CNOT3: variants seen among roughly 807,000 people sequenced by gnomAD.
The protein encoded by CNOT3 is CCR4-NOT transcription complex subunit 3.
In CNOT3, 2 loss-of-function variants were observed where a neutral mutation model predicts 89.4. The ratio of observed to expected loss-of-function variants is 0.02; its 90% confidence interval spans 0.01 to 0.07. The LOEUF is 0.07. Ranked by LOEUF, CNOT3 falls within the 10% of genes least tolerant of loss-of-function variation. CNOT3 has a pLI of 1.00. For missense variants in CNOT3, 664 were observed against 1,010.2 expected (o/e 0.66, Z 4.65); for synonymous variants, 486 against 402.0 (o/e 1.21, Z -2.50).
chr19:54,155,156 T>C (rs915518148), intron 17 of CNOT3, 153 bp from the exon 18 acceptor site: 8 of 771,026 alleles, frequency 1.0e-5, no homozygotes, highest in South Asian at 7.4e-5. Flanking sequence ...AGAAGAACCT[T>C]GTGAGGATGG....
chr19:54,149,619 A>G lies in CNOT3; in HGVS notation c.1466A>G (p.Asn489Ser). The G allele has an allele frequency of 6.2e-7, 1 of 1,613,298 alleles. No individual in the cohort carries two copies. The highest frequency in any genetic ancestry group is 8.5e-7 in the Non-Finnish European group (1 of 1,179,548). The change falls in exon 13 of 18, where the codon AAC becomes AGC. Residue 489 changes from asparagine (N) to serine (S), a missense_variant. Coordinates refer to ENST00000221232, the MANE Select transcript of CNOT3 (RefSeq NM_014516.4). ...GGGGGCGTGGCCCCAGGCTCAGGGAACAACTCAGGGGGACCCAGCCTCCTG... is the reference window on the plus strand; with the variant it reads ...GGGGGCGTGGCCCCAGGCTCAGGGAGCAACTCAGGGGGACCCAGCCTCCTG... ...GAGGVAPGSG[N>S]NSGGPSLLVP...
At chr19:54,143,889 C>T in intron 5 of CNOT3, 117 bp from the exon 6 acceptor site, 1 of 1,485,888 alleles carries the variant, frequency 6.7e-7, no homozygotes. Context: ...AGTGAAGAGG[C>T]AGCGGACTCA....
chr19:54,141,281 G>A (rs1446635859), intron 1 of CNOT3: 2 of 152,212 alleles, frequency 1.3e-5, no homozygotes, highest in African/African-American at 4.8e-5. Context: ...CCTGGGCGGG[G>A]GCTGCTGCGG....
chr19:54,149,844 C>G, intron 13 of CNOT3, 86 bp downstream of exon 13: 7 of 1,271,242 alleles, frequency 5.5e-6, no homozygotes, highest in Non-Finnish European at 6.2e-6. Flanking sequence ...CCCTTGCCCC[C>G]ACCCTCTTTC....
chr19:54,153,203 G>C, intron 16 of CNOT3: 1 of 765,058 alleles, frequency 1.3e-6, no homozygotes, highest in South Asian at 1.3e-5. Flanking sequence ...AGAACTGCTT[G>C]GGTTGACAGC....
chr19:54,146,838 AG>A (rs1480822061), intron 10 of CNOT3, among the ~76,000 whole-genome samples, 181 bp downstream of exon 10: 1 of 152,184 alleles, frequency 6.6e-6, no homozygotes, highest in African/African-American at 2.4e-5. Flanking sequence ...GCTGTGGTCA[AG>A]GGGGTAGCAC....
intron 17 of CNOT3, 192 bp from the exon 18 acceptor site, chr19:54,155,117 T>C (rs2075341326): frequency 3.2e-6 from 2 of 626,062 alleles, no homozygotes; most frequent in Non-Finnish European, 5.4e-6. Flanking sequence ...TCCTCCTCGC[T>C]GAAGTGGCAT....
At position 54,148,215 on chromosome 19, in the gene CNOT3, C is replaced by A. The variant is rs1465874321; in HGVS notation, c.962C>A (p.Pro321His). 6.3e-7 allele frequency: 1 copy of A among 1,594,278 alleles called. No individual in the cohort carries two copies. Among genetic ancestry groups the A allele is most frequent in the Non-Finnish European group, 8.5e-7 (1 of 1,170,482 alleles). The change falls in exon 11 of 18, where the codon CCC (proline) becomes CAC (histidine). Residue 321 changes from proline to histidine, a missense_variant. Around this residue, in one of 8 missense-constraint regions of CNOT3, gnomAD observed 545 missense variants for 566.2 expected, o/e 0.96. Coordinates refer to ENST00000221232, the MANE Select transcript of CNOT3 (RefSeq NM_014516.4). The surrounding 1 kb of genome is among the most constrained non-coding windows in gnomAD (Gnocchi z 6.3). Reference protein sequence around the residue: ...NQHPQSPAVPPTYPSGPPPAA... With the variant: ...NQHPQSPAVPHTYPSGPPPAA... ...CACCCTCAGTCCCCAGCTGTGCCGC[C>A]CACCTACCCCTCCGGCCCCCCGCCT... is the stretch of plus-strand genomic sequence containing the variant.
At chr19:54,150,547 T>C (rs2075018369) in intron 13 of CNOT3, among the ~76,000 whole-genome samples, 1 of 98,920 alleles carries the variant, frequency 1.0e-5, no homozygotes, top group Admixed American at 9.6e-5. Flanking sequence ...TAGCGCAGCT[T>C]CCATGGGGGG....
chr19:54,155,085 A>G lies in CNOT3; in HGVS notation c.2164-224A>G, dbSNP rs558451746. 2.8e-5 allele frequency: 16 copies of G among 568,984 alleles called. No homozygotes were observed. In the East Asian group the frequency reaches 5.0e-4, roughly 18 times the overall value. The allele number at this position is 568,984 out of a possible 1,614,324, so 35.2% of individuals were successfully genotyped here. A position where few individuals can be genotyped will look rare whatever the true frequency, so the allele number is the denominator to read the frequency against. On this transcript the variant is annotated intron_variant, in intron 17 of 17. Coordinates refer to ENST00000221232, the MANE Select transcript of CNOT3 (RefSeq NM_014516.4). ...CCGTTCTGGCAGCTGGCTTCGGTGGAACCTCTGCGGCCCCCTCCGTTTCCT... is the reference window on the plus strand; with the variant it reads ...CCGTTCTGGCAGCTGGCTTCGGTGGGACCTCTGCGGCCCCCTCCGTTTCCT...
At position 54,142,933 on chromosome 19, in the gene CNOT3, C is replaced by T. The variant is rs758668681; in HGVS notation, c.-46C>T. On this transcript the variant is annotated 5_prime_UTR_variant, in exon 2 of 18. Coordinates refer to ENST00000221232, the MANE Select transcript of CNOT3 (RefSeq NM_014516.4). ...CTCTCCAATCTCTCCTAGCAGCGTC[C>T]GTCTCCAAGAGAGTATGAAGAGAGT... is the stretch of plus-strand genomic sequence containing the variant. 2.8e-5 allele frequency: 45 copies of T among 1,601,032 alleles called. No homozygotes were observed. The highest frequency in any genetic ancestry group is 3.2e-5 in the Non-Finnish European group (37 of 1,168,894).
chr19:54,138,292 G>T (rs2074301099), intron 1 of CNOT3, among the ~76,000 whole-genome samples: 1 of 152,192 alleles, frequency 6.6e-6, no homozygotes, highest in African/African-American at 2.4e-5. Context: ...CATCGCGTCG[G>T]GCCCCCCGGT....
rs2074828056 is a variant in CNOT3, at chr19:54,148,510, G to A, written c.1257G>A (p.Gly419=). Residue 419 remains glycine, a synonymous_variant, in exon 11 of 18, where the codon GGG becomes GGA. Coordinates refer to ENST00000221232, the MANE Select transcript of CNOT3 (RefSeq NM_014516.4). This position sits in a 1 kb window ranked among gnomAD's most constrained non-coding sequence, Gnocchi z 6.3. ...SSSSNSSAGG[G]AGKQNGATSY... ...GTAGTAACAGCAGTGCCGGTGGAGG[G>A]GCTGGCAAGCAGAATGGCGCCACCA... 1 of 1,559,454 alleles carries A rather than the reference G, an allele frequency of 6.4e-7. No individual in the cohort carries two copies. The highest frequency in any genetic ancestry group is 1.8e-5 in the Admixed American group (1 of 54,598).
chr19:54,153,162 C>G, intron 16 of CNOT3, 163 bp downstream of exon 16: 2 of 768,144 alleles, frequency 2.6e-6, no homozygotes, highest in Non-Finnish European at 4.8e-6. Flanking sequence ...ATCCACCTGT[C>G]CCCGTCCCCG....
At chr19:54,142,750 G>C in intron 1 of CNOT3, 179 bp from the exon 2 acceptor site, 1 of 601,138 alleles carries the variant, frequency 1.7e-6, no homozygotes, top group Admixed American at 2.8e-5. Flanking sequence ...CTGTTGGCCA[G>C]ACACTATGCT....
intron 1 of CNOT3, among the ~76,000 whole-genome samples, chr19:54,138,197 G>C (rs1213173349): frequency 1.3e-5 from 2 of 151,636 alleles, no homozygotes; most frequent in Non-Finnish European, 2.9e-5. Context: ...CCGTTCCTGC[G>C]CCTCTTTCAC....
chr19:54,141,735 C>T (rs1391707098), intron 1 of CNOT3: 1 of 152,204 alleles, frequency 6.6e-6, no homozygotes, highest in Non-Finnish European at 1.5e-5. Flanking sequence ...CAGTAAGTGA[C>T]TACTCCAGGG....
At chr19:54,139,688 C>T (rs1213710489) in intron 1 of CNOT3, among the ~76,000 whole-genome samples, 44 of 152,166 alleles carry the variant, frequency 2.9e-4, no homozygotes, top group Admixed American at 2.6e-4. Context: ...CCAAAACCCC[C>T]TCTTGATTTG....
chr19:54,147,898 A>G (rs1442895426), intron 10 of CNOT3, among the ~76,000 whole-genome samples: 2 of 152,132 alleles, frequency 1.3e-5, no homozygotes, highest in Non-Finnish European at 2.9e-5. Context: ...GGGGGTGTCC[A>G]TGGGGCGGTG....
Sources: allele counts gnomAD v4.1 joint callset (sites outside exome capture counted in the v4.1 genomes callset), GRCh38; gene constraint gnomAD v4.1.1; regional missense constraint gnomAD v4.1.1; non-coding constraint Gnocchi (gnomAD v3.1); transcripts MANE v1.5; gene names NCBI Gene and HGNC (gene_info 2026-07-23, HGNC 2026-07-21).